Variants in B3GALT1 observed in about 807,000 individuals in gnomAD.
The protein encoded by B3GALT1 is UDP-Gal:betaGlcNAc beta 1,3-galactosyltransferase, polypeptide 1.
B3GALT1 carries 10 observed loss-of-function variants against 23.2 expected under a neutral mutation model. The observed-to-expected ratio is 0.43, with a 90% CI of 0.27 to 0.73. The LOEUF is 0.73. Among genes scored for constraint, B3GALT1 ranks in the 30% least tolerant of loss-of-function variants. The pLI, the probability that B3GALT1 is intolerant of heterozygous loss-of-function variation, is 0.21. For missense variants in B3GALT1, 299 were observed against 405.4 expected, an observed-to-expected ratio of 0.74 and a Z score of 2.25; for synonymous variants, 156 against 141.5, an observed-to-expected ratio of 1.10 and a Z score of -0.73.
chr2:167,775,440 G>A (rs551979728), intron 3 of B3GALT1, among the ~76,000 whole-genome samples: 12 of 151,798 alleles, frequency 7.9e-5, no homozygotes, highest in African/African-American at 2.2e-4. Context: ...GTGGTGGCGC[G>A]TGCCTGTAGT....
At chr2:167,852,175 C>A (rs780462144) in intron 4 of B3GALT1, among the ~76,000 whole-genome samples, 1 of 152,122 alleles carries the variant, frequency 6.6e-6, no homozygotes, top group Non-Finnish European at 1.5e-5. Flanking sequence ...GAACACAGCA[C>A]AGCAGCTATT....
At chr2:167,403,519 A>G (rs1024415159) in intron 1 of B3GALT1, among the ~76,000 whole-genome samples, 3 of 152,062 alleles carry the variant, frequency 2.0e-5, no homozygotes, top group African/African-American at 7.2e-5. Flanking sequence ...AAAAAGACTC[A>G]GAGTTTTGGT....
Position 167,873,169 on chromosome 2 carries a change from C to A in B3GALT1, c.*3149C>A, listed in dbSNP as rs935098235. 3 of 152,110 alleles carry A rather than the reference C, an allele frequency of 2.0e-5. No homozygotes were observed. Among genetic ancestry groups the A allele is most frequent in the African/African-American group, 7.2e-5 (3 of 41,418 alleles). 9.4% of individuals were successfully genotyped at this position (152,110 alleles called of 1,614,324 possible). On this transcript the variant is annotated 3_prime_UTR_variant, in exon 5 of 5. Coordinates refer to ENST00000392690, the MANE Select transcript of B3GALT1 (RefSeq NM_020981.4). ...GTCTCTCAGACAATTTTTACAAAAACTCTTTTTTTCCATTATGCACTGGAT... is the reference window on the plus strand; with the variant it reads ...GTCTCTCAGACAATTTTTACAAAAAATCTTTTTTTCCATTATGCACTGGAT...
chr2:167,525,643 T>A (rs991953963), intron 2 of B3GALT1, among the ~76,000 whole-genome samples: 5 of 152,054 alleles, frequency 3.3e-5, no homozygotes, highest in Non-Finnish European at 7.4e-5. Flanking sequence ...TTTATTTGTA[T>A]TTATTTTTGA....
intron 3 of B3GALT1, among the ~76,000 whole-genome samples, chr2:167,718,854 A>C (rs1687190307): frequency 6.6e-6 from 1 of 152,104 alleles, no homozygotes; most frequent in African/African-American, 2.4e-5. Flanking sequence ...CTTTCTAATA[A>C]GTTTTATGGC....
chr2:167,858,651 C>CCAAGT (rs1002033156), intron 4 of B3GALT1, among the ~76,000 whole-genome samples: 2 of 152,118 alleles, frequency 1.3e-5, no homozygotes, highest in African/African-American at 4.8e-5. Context: ...GCTGATGACT[C>CCAAGT]CAAGTCTAGA....
intron 2 of B3GALT1, among the ~76,000 whole-genome samples, chr2:167,569,873 G>GTA (rs1469173856): frequency 1.3e-5 from 2 of 151,770 alleles, no homozygotes; most frequent in African/African-American, 2.4e-5. Flanking sequence ...TCATGAATGG[G>GTA]TGTTGAATTA....
chr2:167,374,404 G>A (rs1458042858), intron 1 of B3GALT1, among the ~76,000 whole-genome samples: 1 of 152,212 alleles, frequency 6.6e-6, no homozygotes, highest in Non-Finnish European at 1.5e-5. Context: ...GGGTTGAATA[G>A]TAGTTCTGTT....
chr2:167,766,796 A>G (rs868611115), intron 3 of B3GALT1, among the ~76,000 whole-genome samples: 5 of 152,288 alleles, frequency 3.3e-5, no homozygotes, highest in African/African-American at 1.2e-4. Context: ...AGCTTTGGCT[A>G]ACTTTCCCAA....
At chr2:167,391,629 G>A (rs1698015144) in intron 1 of B3GALT1, among the ~76,000 whole-genome samples, 1 of 152,116 alleles carries the variant, frequency 6.6e-6, no homozygotes, top group Non-Finnish European at 1.5e-5. Context: ...AGGTTTTAAA[G>A]TTTCCTGGTT....
At chr2:167,741,029 AATT>A (rs1372314728) in intron 3 of B3GALT1, among the ~76,000 whole-genome samples, 9 of 152,210 alleles carry the variant, frequency 5.9e-5, no homozygotes, top group Admixed American at 5.9e-4. Context: ...AGAGAACAGA[AATT>A]GGAAAAGTAG....
chr2:167,320,190 CTT>C (rs35189136), intron 1 of B3GALT1, among the ~76,000 whole-genome samples: 8 of 142,246 alleles, frequency 5.6e-5, no homozygotes, highest in Admixed American at 1.4e-4. Context: ...GAGCTATCTC[CTT>C]TTTTTTTTTT....
chr2:167,758,711 G>A (rs1490846136), intron 3 of B3GALT1, among the ~76,000 whole-genome samples: 1 of 151,876 alleles, frequency 6.6e-6, no homozygotes, highest in Non-Finnish European at 1.5e-5. Context: ...TTCTCTGTGT[G>A]TGCCTCATAT....
intron 3 of B3GALT1, among the ~76,000 whole-genome samples, chr2:167,670,555 AC>A (rs1362109395): frequency 5.3e-5 from 8 of 152,172 alleles, no homozygotes; most frequent in Non-Finnish European, 8.8e-5. Flanking sequence ...TCCAGTAACA[AC>A]CCCAAAGAAG....
At chr2:167,626,932 A>ACT (rs1685357015) in intron 2 of B3GALT1, among the ~76,000 whole-genome samples, 1 of 151,760 alleles carries the variant, frequency 6.6e-6, no homozygotes, top group African/African-American at 2.4e-5. Flanking sequence ...TTACTCAGGT[A>ACT]GTTTTCTTCA....
At chr2:167,377,094 T>C (rs1478492769) in intron 1 of B3GALT1, among the ~76,000 whole-genome samples, 1 of 152,172 alleles carries the variant, frequency 6.6e-6, no homozygotes, top group Non-Finnish European at 1.5e-5. Flanking sequence ...TTTTGTTGTT[T>C]ACCCAAGTCA....
intron 1 of B3GALT1, among the ~76,000 whole-genome samples, chr2:167,480,621 G>T (rs1323331436): frequency 2.0e-5 from 3 of 152,044 alleles, no homozygotes; most frequent in African/African-American, 7.2e-5. Context: ...ACAAACAAAC[G>T]AAACCACCAC....
chr2:167,388,620 G>A (rs1271939610), intron 1 of B3GALT1, among the ~76,000 whole-genome samples: 3 of 152,118 alleles, frequency 2.0e-5, no homozygotes, highest in African/African-American at 4.8e-5. Context: ...AAAACAAATT[G>A]ACCCTTGGTA....
At chr2:167,808,902 C>A (rs1438861077) in intron 3 of B3GALT1, among the ~76,000 whole-genome samples, 1 of 152,186 alleles carries the variant, frequency 6.6e-6, no homozygotes, top group Non-Finnish European at 1.5e-5. Context: ...TCCATTCTCT[C>A]CATCACTTTC....
Sources: gnomAD v4.1 joint callset for allele counts (sites outside exome capture counted in the v4.1 genomes callset) on GRCh38, gnomAD v4.1.1 for gene constraint, MANE v1.5 for transcripts, NCBI Gene and HGNC (gene_info 2026-07-23, HGNC 2026-07-21) for gene names.